DAB1: variants seen among roughly 807,000 people sequenced by gnomAD.
DAB1 encodes the protein disabled homolog 1.
A neutral mutation model predicts 64.6 loss-of-function variants in DAB1; 15 were observed. The ratio of observed to expected loss-of-function variants is 0.23; its 90% CI spans 0.16 to 0.36. DAB1 has a LOEUF of 0.36. Among genes scored for constraint, DAB1 ranks in the 10% least tolerant of loss-of-function variants. DAB1 has a pLI of 1.00. For synonymous variants in DAB1, 235 were observed against 251.9 expected (o/e 0.93, Z 0.64); for missense variants, 596 against 706.7 (o/e 0.84, Z 1.78).
intron 1 of DAB1, among the ~76,000 whole-genome samples, chr1:57,848,289 C>T (rs557975520): frequency 1.3e-5 from 2 of 152,312 alleles, no homozygotes; most frequent in Admixed American, 1.3e-4. Flanking sequence ...CTAAACCTAA[C>T]CAAGATAGCA....
intron 2 of DAB1, among the ~76,000 whole-genome samples, chr1:57,282,414 T>C (rs1489629178): frequency 6.6e-6 from 1 of 152,068 alleles, no homozygotes; most frequent in African/African-American, 2.4e-5. Flanking sequence ...GCTTGATGTA[T>C]TGTCCTGTGG....
chr1:57,622,068 A>G (rs1645866583), intron 7 of DAB1, among the ~76,000 whole-genome samples: 1 of 152,244 alleles, frequency 6.6e-6, no homozygotes, highest in Admixed American at 6.5e-5. Flanking sequence ...ATACTCGACT[A>G]TTAAAGAAAC....
At chr1:57,733,338 C>T (rs1224939131) in intron 6 of DAB1, among the ~76,000 whole-genome samples, 2 of 151,682 alleles carry the variant, frequency 1.3e-5, no homozygotes, top group African/African-American at 4.8e-5. Flanking sequence ...GTCTTGCCTT[C>T]CTAGAATGTA....
chr1:57,282,182 C>CAAAAAAAAAAAA (rs61512431), intron 2 of DAB1, among the ~76,000 whole-genome samples: 1 of 92,768 alleles, frequency 1.1e-5, no homozygotes, highest in Non-Finnish European at 2.2e-5. Context: ...GCCTTCTTCT[C>CAAAAAAAAAAAA]AAAAAAAAAA....
chr1:57,437,620 G>T (rs1035830771), intron 7 of DAB1, among the ~76,000 whole-genome samples: 3 of 152,096 alleles, frequency 2.0e-5, no homozygotes, highest in Non-Finnish European at 4.4e-5. Flanking sequence ...AATGTTTTTA[G>T]TTCATACCTT....
chr1:57,834,618 T>C (rs950395894), intron 1 of DAB1, among the ~76,000 whole-genome samples: 3 of 151,784 alleles, frequency 2.0e-5, no homozygotes, highest in Non-Finnish European at 4.4e-5. Flanking sequence ...CACAGTTATA[T>C]ATATACATAC....
chr1:57,736,017 C>A (rs1333859044), intron 6 of DAB1, among the ~76,000 whole-genome samples: 1 of 152,026 alleles, frequency 6.6e-6, no homozygotes, highest in Non-Finnish European at 1.5e-5. Flanking sequence ...CAAATGCCAC[C>A]CATCTGTACA....
chr1:58,033,895 A>G (rs1390999193), intron 5 of DAB1, among the ~76,000 whole-genome samples: 1 of 152,104 alleles, frequency 6.6e-6, no homozygotes, highest in Non-Finnish European at 1.5e-5. Context: ...TAACCCATGC[A>G]TAGTGCTATG....
chr1:57,428,645 A>G (rs995331872), upstream of DAB1, among the ~76,000 whole-genome samples: 1 of 152,038 alleles, frequency 6.6e-6, no homozygotes, highest in South Asian at 2.1e-4. Context: ...TATCTCCTTG[A>G]GATACTAATT....
chr1:58,465,653 C>T (rs1326231546), intron 3 of DAB1, among the ~76,000 whole-genome samples: 1 of 152,118 alleles, frequency 6.6e-6, no homozygotes, highest in African/African-American at 2.4e-5. Flanking sequence ...CATTTTGATG[C>T]AGCCCCATCA....
chr1:58,418,718 T>C (rs777136655), intron 3 of DAB1, among the ~76,000 whole-genome samples: 1 of 152,096 alleles, frequency 6.6e-6, no homozygotes, highest in Non-Finnish European at 1.5e-5. Flanking sequence ...GAGTTTATTC[T>C]AGGCAGAGGA....
chr1:58,160,374 T>C (rs137907123), intron 4 of DAB1, among the ~76,000 whole-genome samples: 86 of 152,100 alleles, frequency 5.7e-4, no homozygotes, highest in Non-Finnish European at 9.4e-4. Context: ...TTTTGGGGCC[T>C]CCTATCATGT....
intron 2 of DAB1, among the ~76,000 whole-genome samples, chr1:57,272,368 G>A (rs1671080770): frequency 6.6e-6 from 1 of 152,226 alleles, no homozygotes; most frequent in South Asian, 2.1e-4. Flanking sequence ...CAGGATGGAT[G>A]CGCATCCCAC....
At chr1:57,546,992 A>AT (rs567222282) in intron 7 of DAB1, among the ~76,000 whole-genome samples, 121 of 151,976 alleles carry the variant, frequency 8.0e-4, no homozygotes, top group African/African-American at 2.5e-3. Flanking sequence ...TATTAATCGT[A>AT]TTTTTTTTAA....
At chr1:58,400,366 G>A (rs1415835042) in intron 3 of DAB1, among the ~76,000 whole-genome samples, 2 of 152,094 alleles carry the variant, frequency 1.3e-5, no homozygotes, top group Non-Finnish European at 2.9e-5. Flanking sequence ...CCCATCCCTG[G>A]TCCAAGCAAC....
intron 7 of DAB1, among the ~76,000 whole-genome samples, chr1:57,569,938 G>A (rs1645174260): frequency 6.6e-6 from 1 of 152,066 alleles, no homozygotes; most frequent in South Asian, 2.1e-4. Flanking sequence ...CCTTATTATT[G>A]TCTTTATTTG....
At chr1:58,170,523 A>G (rs1183915819) in intron 4 of DAB1, among the ~76,000 whole-genome samples, 2 of 152,150 alleles carry the variant, frequency 1.3e-5, no homozygotes, top group Non-Finnish European at 2.9e-5. Context: ...TGGTTTTATA[A>G]TAGGGACCAA....
At chr1:58,355,327 T>G (rs1040241209) in intron 3 of DAB1, among the ~76,000 whole-genome samples, 7 of 152,226 alleles carry the variant, frequency 4.6e-5, no homozygotes, top group Non-Finnish European at 1.0e-4. Flanking sequence ...TGAAAGGCTA[T>G]ATTGTTCAAT....
At chr1:57,958,484 G>T (rs1383910094) in intron 5 of DAB1, among the ~76,000 whole-genome samples, 1 of 152,182 alleles carries the variant, frequency 6.6e-6, no homozygotes, top group Non-Finnish European at 1.5e-5. Flanking sequence ...ATGTGCAGGA[G>T]TGGACAGAAA....
Sources: allele counts gnomAD v4.1 joint callset (sites outside exome capture counted in the v4.1 genomes callset), GRCh38; gene constraint gnomAD v4.1.1; transcripts MANE v1.5; gene names NCBI Gene and HGNC (gene_info 2026-07-23, HGNC 2026-07-21).